The following ARHGAP44 variants were observed in gnomAD, a reference collection of about 807,000 sequenced individuals.
The protein encoded by ARHGAP44 is Rho GTPase activating protein 44.
In ARHGAP44, 43 loss-of-function variants were observed where a neutral mutation model predicts 106.8. The observed-to-expected ratio is 0.40, with a 90% CI of 0.32 to 0.52. ARHGAP44 has a LOEUF of 0.52. Ranked by LOEUF, ARHGAP44 falls within the 20% of genes least tolerant of loss-of-function variation. The pLI is 0.48. For synonymous variants in ARHGAP44, 439 were observed against 410.3 expected, an observed-to-expected ratio of 1.07 and a Z score of -0.85; for missense variants, 866 against 1,050.5, an observed-to-expected ratio of 0.82 and a Z score of 2.43.
chr17:12,867,059 G>GC (rs1597967155), intron 1 of ARHGAP44, among the ~76,000 whole-genome samples: 1 of 151,534 alleles, frequency 6.6e-6, no homozygotes, highest in South Asian at 2.1e-4. Flanking sequence ...TAACAGTGTG[G>GC]TTTGGAGATT....
intron 1 of ARHGAP44, among the ~76,000 whole-genome samples, chr17:12,850,145 G>A (rs1211969345): frequency 6.6e-6 from 1 of 152,106 alleles, no homozygotes; most frequent in Non-Finnish European, 1.5e-5. Context: ...TTAGAGCCGA[G>A]GAAACTCAGA....
chr17:12,842,086 G>A (rs1228805550), intron 1 of ARHGAP44, among the ~76,000 whole-genome samples: 5 of 151,460 alleles, frequency 3.3e-5, no homozygotes, highest in East Asian at 3.9e-4. Context: ...CATGAGAATC[G>A]CTTGGACCCC....
chr17:12,920,402 A>T (rs1414466487), intron 6 of ARHGAP44, among the ~76,000 whole-genome samples: 1 of 149,258 alleles, frequency 6.7e-6, no homozygotes. Context: ...AAAGTAACAC[A>T]GGGTAGTTTT....
Position 12,949,216 on chromosome 17 carries a change from T to G in ARHGAP44, c.938T>G (p.Val313Gly). Residue 313 changes from valine to glycine, a missense_variant, in exon 11 of 21, where the codon GTG becomes GGG. By Grantham distance (109) the Val-to-Gly change is moderately radical. Coordinates refer to ENST00000379672, the MANE Select transcript of ARHGAP44 (RefSeq NM_014859.6). This position sits in a 1 kb window ranked among gnomAD's most constrained non-coding sequence, Gnocchi z 4.1. ...KAALDCCVVD[V>G]QEYSADPHAI... ...GCCCTGGACTGCTGCGTGGTGGATG[T>G]GCAGGAGTACTCGGCAGACCCCCAC... 6.3e-7 allele frequency: 1 copy of G among 1,577,558 alleles called. No individual in the cohort carries two copies. Among genetic ancestry groups the G allele is most frequent in the Non-Finnish European group, 8.6e-7 (1 of 1,161,738 alleles).
chr17:12,810,515 A>G (rs1431711614), intron 1 of ARHGAP44, among the ~76,000 whole-genome samples: 2 of 152,182 alleles, frequency 1.3e-5, no homozygotes, highest in Non-Finnish European at 2.9e-5. Flanking sequence ...AAGGACAACC[A>G]TGTGACAAAT....
chr17:12,820,089 G>C (rs2034722107), intron 1 of ARHGAP44, among the ~76,000 whole-genome samples: 1 of 152,012 alleles, frequency 6.6e-6, no homozygotes, highest in Admixed American at 6.6e-5. Context: ...TGTAACATAG[G>C]AGTTAATTTC....
chr17:12,932,092 T>C (rs2150969715), intron 7 of ARHGAP44, among the ~76,000 whole-genome samples: 1 of 152,334 alleles, frequency 6.6e-6, no homozygotes, highest in East Asian at 1.9e-4. Flanking sequence ...TTCATACCTA[T>C]TGACAGTTTA....
At chr17:12,901,484 A>C (rs12165053) in intron 3 of ARHGAP44, among the ~76,000 whole-genome samples, 7,235 of 152,188 alleles carry the variant, frequency 0.048, 238 homozygotes, top group Admixed American at 0.081. Flanking sequence ...AGTTACACAG[A>C]GATGGGAACA....
At chr17:12,973,114 A>G (rs878065) in intron 16 of ARHGAP44, 188 bp from the exon 17 acceptor site, 85,862 of 609,614 alleles carry the variant, frequency 0.14, 6,508 homozygotes, top group Admixed American at 0.23. Context: ...GGTATGACTT[A>G]CACTTACACA....
chr17:12,822,727 C>T (rs1178615372), intron 1 of ARHGAP44, among the ~76,000 whole-genome samples: 1 of 152,192 alleles, frequency 6.6e-6, no homozygotes, highest in Non-Finnish European at 1.5e-5. Context: ...GTTGGTTCTC[C>T]TGGCTGCCCT....
chr17:12,920,294 T>C (rs2038039469), intron 6 of ARHGAP44, among the ~76,000 whole-genome samples: 1 of 133,010 alleles, frequency 7.5e-6, no homozygotes, highest in African/African-American at 3.4e-5. Context: ...GAGAATGGTG[T>C]GAACCGGGGA....
At chr17:12,928,273 C>T (rs190341171) in intron 6 of ARHGAP44, among the ~76,000 whole-genome samples, 8 of 152,284 alleles carry the variant, frequency 5.3e-5, no homozygotes, top group Admixed American at 1.3e-4. Context: ...ACTTAGCATA[C>T]GTCACTGGCT....
At chr17:12,983,575 C>T (rs1370842599) in intron 19 of ARHGAP44, among the ~76,000 whole-genome samples, 3 of 152,240 alleles carry the variant, frequency 2.0e-5, no homozygotes, top group Non-Finnish European at 2.9e-5. Flanking sequence ...GAGGCCGAGG[C>T]GGGCGGATCA....
rs1275460449 is a variant in ARHGAP44 at position 12,949,914 on chromosome 17, A to C, written c.1055+184A>C. Among the ~76,000 whole-genome samples, 1 of 152,222 alleles carries C rather than the reference A, an allele frequency of 6.6e-6. No homozygotes were observed. Among genetic ancestry groups the C allele is most frequent in the Non-Finnish European group, 1.5e-5 (1 of 68,030 alleles). ...GATATTGATGGTAGCATTATCTGAG[A>C]TAGCAGAAGCCTAGAAGTCACTAAA... On this transcript the variant is annotated intron_variant, in intron 12 of 20. Transcript: ENST00000379672. This position sits in a 1 kb window ranked among gnomAD's most constrained non-coding sequence, Gnocchi z 4.1.
At chr17:12,961,105 C>T (rs1249022792) in intron 16 of ARHGAP44, among the ~76,000 whole-genome samples, 2 of 152,178 alleles carry the variant, frequency 1.3e-5, no homozygotes, top group African/African-American at 4.8e-5. Context: ...CTCCATCCCT[C>T]CTCCATCCTC....
chr17:12,987,374 G>A, intron 20 of ARHGAP44: 1 of 460,330 alleles, frequency 2.2e-6, no homozygotes, highest in African/African-American at 2.0e-5. Flanking sequence ...GGAGGAGCTG[G>A]GGGAGAACCC....
rs2039843577 is a variant in ARHGAP44, at chr17:12,981,971, A to T, written c.1939+1738A>T. ...GGTTGCACTGAGCCAAGATCGTGCC[A>T]CTGCCTTCCAGCTTGGGCAGCAAAG... On this transcript the variant is annotated intron_variant, in intron 19 of 20. Coordinates refer to ENST00000379672, the MANE Select transcript of ARHGAP44 (RefSeq NM_014859.6). Among the ~76,000 whole-genome samples the T allele has an allele frequency of 2.0e-5, 3 of 152,080 alleles. No individual in the cohort carries two copies. In the South Asian group the frequency reaches 6.2e-4, roughly 31 times the overall value.
chr17:12,925,405 G>C (rs1418358428), intron 6 of ARHGAP44, among the ~76,000 whole-genome samples: 1 of 152,270 alleles, frequency 6.6e-6, no homozygotes, highest in East Asian at 1.9e-4. Context: ...CTTAAAAAGT[G>C]GGGGATGCCC....
Position 12,940,278 on chromosome 17 carries a change from G to A in ARHGAP44, c.583-778G>A, listed in dbSNP as rs114163874. 4.5e-3 allele frequency among the ~76,000 whole-genome samples: 691 copies of A among 152,254 alleles called. 2 individuals carry two copies. The highest frequency in any genetic ancestry group is 0.016 in the African/African-American group (653 of 41,544). On this transcript the variant is annotated intron_variant, in intron 7 of 20. Coordinates refer to ENST00000379672, the MANE Select transcript of ARHGAP44 (RefSeq NM_014859.6). ...TCGTATGACTTGAGCAAGCAAGTTC[G>A]GATAAGTGACATGCTCAAAAATATG... is the stretch of plus-strand genomic sequence containing the variant.
Sources: gnomAD v4.1 joint callset for allele counts (sites outside exome capture counted in the v4.1 genomes callset) on GRCh38, gnomAD v4.1.1 for gene constraint, Gnocchi (gnomAD v3.1) non-coding constraint, MANE v1.5 for transcripts, NCBI Gene and HGNC (gene_info 2026-07-23, HGNC 2026-07-21) for gene names.